Variants in CTNNA2 observed in about 807,000 individuals in gnomAD.
The protein encoded by CTNNA2 is catenin alpha-2.
CTNNA2 carries 42 observed loss-of-function variants against 101.0 expected under a neutral mutation model. That is an observed-to-expected ratio of 0.42 (90% CI 0.32 to 0.54). CTNNA2 has a LOEUF of 0.54. CTNNA2 is among the 20% of genes least tolerant of loss of function. CTNNA2 has a pLI of 0.14. For synonymous variants in CTNNA2, 450 were observed against 456.4 expected, an observed-to-expected ratio of 0.99 and a Z score of 0.18; for missense variants, 871 against 1,223.1, an observed-to-expected ratio of 0.71 and a Z score of 4.29.
intron 7 of CTNNA2, among the ~76,000 whole-genome samples, chr2:79,971,369 T>A (rs1419835994): frequency 1.3e-5 from 2 of 152,180 alleles, no homozygotes; most frequent in Non-Finnish European, 2.9e-5. Flanking sequence ...AATAGTTTCA[T>A]ATATACATCT....
chr2:79,669,777 T>G (rs1206096056), intron 2 of CTNNA2, among the ~76,000 whole-genome samples: 3 of 152,186 alleles, frequency 2.0e-5, no homozygotes, highest in African/African-American at 7.2e-5. Context: ...TCTGTCCTCT[T>G]TGTCCTCTGG....
intron 2 of CTNNA2, among the ~76,000 whole-genome samples, chr2:79,278,510 C>T (rs955371636): frequency 1.9e-5 from 2 of 107,158 alleles, no homozygotes; most frequent in Admixed American, 1.7e-4. Context: ...AAATGACATC[C>T]CCAAGCCCAC....
At chr2:79,715,406 G>C (rs1362917948) in intron 2 of CTNNA2, among the ~76,000 whole-genome samples, 1 of 152,140 alleles carries the variant, frequency 6.6e-6, no homozygotes, top group Non-Finnish European at 1.5e-5. Context: ...CAGACAGGTA[G>C]ATTTGGGGGC....
chr2:80,405,145 C>G lies in CTNNA2; in HGVS notation c.1137+11854C>G, dbSNP rs1201222005. 5.9e-5 allele frequency among the ~76,000 whole-genome samples: 9 copies of G among 152,240 alleles called. No individual in the cohort carries two copies. In the South Asian group the frequency reaches 1.9e-3, roughly 32 times the overall value. ...TCTGATCTATTACTCCTGTTTGTATCTGGTTATGTATGAAGGTCAGAAAAG... is the reference window on the plus strand; with the variant it reads ...TCTGATCTATTACTCCTGTTTGTATGTGGTTATGTATGAAGGTCAGAAAAG... On this transcript the variant is annotated intron_variant, in intron 8 of 18. Coordinates refer to ENST00000402739, the MANE Select transcript of CTNNA2 (RefSeq NM_001282597.3).
intron 9 of CTNNA2, among the ~76,000 whole-genome samples, chr2:80,423,058 C>G (rs979528228): frequency 6.6e-6 from 1 of 151,850 alleles, no homozygotes; most frequent in South Asian, 2.1e-4. Context: ...TTTTTCCCCA[C>G]TCCTCATTTA....
Position 80,589,460 on chromosome 2 carries a change from A to C in CTNNA2, c.2164A>C (p.Met722Leu). Residue 722 changes from methionine to leucine, a missense_variant, in exon 15 of 19, where the codon ATG becomes CTG. Around this residue, in one of 5 missense-constraint regions of CTNNA2, gnomAD observed 93 missense variants for 223.7 expected, o/e 0.42. Transcript: ENST00000402739. The stretch of plus-strand genomic sequence containing the variant: ...ACTGGCCAAGCAGATGTGTATGATC[A>C]TGATGGAAATGACAGACTTCACAAG... ...IVLAKQMCMI[M>L]MEMTDFTRGK... 6.2e-7 allele frequency: 1 copy of C among 1,613,996 alleles called. No homozygotes were observed. Among genetic ancestry groups the C allele is most frequent in the Non-Finnish European group, 8.5e-7 (1 of 1,179,870 alleles).
At chr2:79,934,792 CA>C (rs1687670915) in intron 7 of CTNNA2, among the ~76,000 whole-genome samples, 1 of 152,162 alleles carries the variant, frequency 6.6e-6, no homozygotes, top group Non-Finnish European at 1.5e-5. Context: ...GAACCTAGCC[CA>C]ATGGCTTAAA....
chr2:79,188,701 A>G (rs1673814263), intron 1 of CTNNA2, among the ~76,000 whole-genome samples: 1 of 152,242 alleles, frequency 6.6e-6, no homozygotes, highest in African/African-American at 2.4e-5. Context: ...AAGATGGAGG[A>G]TATTTTAAAG....
chr2:80,115,154 C>G (rs1321067403), intron 7 of CTNNA2, among the ~76,000 whole-genome samples: 2 of 152,238 alleles, frequency 1.3e-5, no homozygotes, highest in Non-Finnish European at 2.9e-5. Context: ...TGAGGCCTGA[C>G]TGAGGCTTCA....
intron 2 of CTNNA2, among the ~76,000 whole-genome samples, chr2:79,236,130 G>T (rs1400548272): frequency 6.6e-6 from 1 of 152,188 alleles, no homozygotes; most frequent in Non-Finnish European, 1.5e-5. Context: ...TCACTACCAG[G>T]TGTGGCCTGC....
At chr2:79,302,378 C>T (rs974522028) in intron 2 of CTNNA2, among the ~76,000 whole-genome samples, 1 of 152,118 alleles carries the variant, frequency 6.6e-6, no homozygotes, top group Non-Finnish European at 1.5e-5. Flanking sequence ...ACTAGACCAG[C>T]TCTGTTCACT....
chr2:79,975,504 C>T (rs1690774384), intron 7 of CTNNA2, among the ~76,000 whole-genome samples: 1 of 152,028 alleles, frequency 6.6e-6, no homozygotes, highest in Non-Finnish European at 1.5e-5. Flanking sequence ...AGTGTCAGAT[C>T]CTACAGGTTG....
chr2:79,255,591 A>T lies in CTNNA2; in HGVS notation c.-405-57118A>T, dbSNP rs187966890. On this transcript the variant is annotated intron_variant, in intron 2 of 21. Transcript: ENST00000466387. ...CTGGAGAGGTGGTCGTGGAAGAATC[A>T]GGGGATTGAGGTATAAAAGACTGGA... Among the ~76,000 whole-genome samples the T allele has an allele frequency of 5.9e-5, 9 of 152,278 alleles. No individual in the cohort carries two copies. In the East Asian group the frequency reaches 1.7e-3, roughly 29 times the overall value.
At chr2:79,212,628 C>T (rs1455784645) in intron 2 of CTNNA2, among the ~76,000 whole-genome samples, 1 of 152,158 alleles carries the variant, frequency 6.6e-6, no homozygotes, top group African/African-American at 2.4e-5. Context: ...GGCCGGTCCA[C>T]TATCGGACTG....
intron 7 of CTNNA2, among the ~76,000 whole-genome samples, chr2:80,308,995 A>T (rs1049830138): frequency 6.6e-5 from 10 of 152,122 alleles, no homozygotes; most frequent in Non-Finnish European, 1.2e-4. Flanking sequence ...AGGCTGAGGC[A>T]GGAGAATCAC....
At chr2:79,887,521 ATG>A (rs1470204090) in intron 6 of CTNNA2, among the ~76,000 whole-genome samples, 5 of 152,098 alleles carry the variant, frequency 3.3e-5, no homozygotes, top group Non-Finnish European at 7.4e-5. Flanking sequence ...TCCCATCAGT[ATG>A]ATTGTTAAAT....
At chr2:79,532,949 C>T (rs914602245) in intron 1 of CTNNA2, among the ~76,000 whole-genome samples, 1 of 152,084 alleles carries the variant, frequency 6.6e-6, no homozygotes, top group Non-Finnish European at 1.5e-5. Flanking sequence ...CATTATCATG[C>T]TCCTCTAAGG....
chr2:79,575,870 G>A (rs950488611), intron 1 of CTNNA2, among the ~76,000 whole-genome samples: 2 of 152,146 alleles, frequency 1.3e-5, no homozygotes, highest in African/African-American at 4.8e-5. Flanking sequence ...AAATGAAGAA[G>A]CCTGGCCAAG....
chr2:80,620,256 T>C (rs1160125740), intron 18 of CTNNA2, among the ~76,000 whole-genome samples: 3 of 151,776 alleles, frequency 2.0e-5, no homozygotes, highest in Non-Finnish European at 4.4e-5. Flanking sequence ...TCATCCCTTT[T>C]TTTTTTCCTA....
Sources: gnomAD v4.1 joint callset for allele counts (sites outside exome capture counted in the v4.1 genomes callset) on GRCh38, gnomAD v4.1.1 for gene constraint, gnomAD v4.1.1 regional missense constraint, MANE v1.5 for transcripts, NCBI Gene and HGNC (gene_info 2026-07-23, HGNC 2026-07-21) for gene names.